Variants in LPIN2 observed in about 807,000 individuals in gnomAD.
LPIN2 encodes phosphatidate phosphatase LPIN2.
LPIN2 carries 55 observed loss-of-function variants against 111.4 expected under a neutral mutation model. That is an observed-to-expected ratio of 0.49 (90% CI 0.40 to 0.62). The LOEUF is 0.62. LPIN2 is among the 20% of genes least tolerant of loss of function. The pLI, the probability that LPIN2 is intolerant of heterozygous loss-of-function variation, is 0.00. For synonymous variants in LPIN2, 425 were observed against 414.0 expected, an observed-to-expected ratio of 1.03 and a Z score of -0.32; for missense variants, 992 against 1,112.1, an observed-to-expected ratio of 0.89 and a Z score of 1.54.
chr18:2,962,849 A>G (rs2077734157), intron 1 of LPIN2, among the ~76,000 whole-genome samples: 1 of 152,206 alleles, frequency 6.6e-6, no homozygotes, highest in African/African-American at 2.4e-5. Flanking sequence ...ACCTTTTCTT[A>G]AAATAAACAA....
At position 2,928,108 on chromosome 18, in the gene LPIN2, G is replaced by A. The variant is rs542596506; in HGVS notation, c.1621-297C>T. ...TCTTTGGAAAATGTGGTTCTCATGA[G>A]TTAAGAGGACCAACTAGGCTGATGA... On this transcript the variant is annotated intron_variant, in intron 11 of 19. Coordinates refer to ENST00000677752, the MANE Select transcript of LPIN2 (RefSeq NM_001375808.2). Among the ~76,000 whole-genome samples the A allele has an allele frequency of 2.6e-5, 4 of 152,250 alleles. No individual in the cohort carries two copies. In the South Asian group the frequency reaches 8.3e-4, roughly 32 times the overall value.
At chr18:2,987,497 A>G (rs1287766580) in intron 1 of LPIN2, among the ~76,000 whole-genome samples, 1 of 152,184 alleles carries the variant, frequency 6.6e-6, no homozygotes, top group Non-Finnish European at 1.5e-5. Flanking sequence ...TCATCCTCAC[A>G]TTCCTTGACT....
rs768515839 is a variant in LPIN2, at chr18:2,944,333, C to CTTTTTTTT, written c.591-3629_591-3622dup. On this transcript the variant is annotated intron_variant, in intron 4 of 19. Coordinates refer to ENST00000677752, the MANE Select transcript of LPIN2 (RefSeq NM_001375808.2). ...TGATATCCTAATGTATTTCCACAAA[C>CTTTTTTTT]TTTTTTTTTTTTTTTTTTTTTTTTT... is the stretch of plus-strand genomic sequence containing the variant. Among the ~76,000 whole-genome samples, 3 of 51,350 alleles carry CTTTTTTTT rather than the reference C, an allele frequency of 5.8e-5. 1 individual carries two copies. Among genetic ancestry groups the CTTTTTTTT allele is most frequent in the Non-Finnish European group, 7.5e-5 (2 of 26,526 alleles). 33.7% of individuals were successfully genotyped at this position (51,350 alleles called of 152,430 possible). A position where few individuals can be genotyped will look rare whatever the true frequency, so the allele number is the denominator to read the frequency against.
At chr18:3,004,676 A>G (rs1173183606) in intron 1 of LPIN2, among the ~76,000 whole-genome samples, 4 of 152,208 alleles carry the variant, frequency 2.6e-5, no homozygotes, top group South Asian at 2.1e-4. Flanking sequence ...CACGTCTCAC[A>G]TAGTCCCACT....
Position 2,925,123 on chromosome 18 carries a change from G to A in LPIN2, c.1938+101C>T, listed in dbSNP as rs952706014. 2.3e-5 allele frequency: 33 copies of A among 1,438,326 alleles called. No homozygotes were observed. The African/African-American group carries it at 2.4e-4, about 10-fold the overall frequency. 89.1% of individuals were successfully genotyped at this position (1,438,326 alleles called of 1,614,324 possible). The stretch of plus-strand genomic sequence containing the variant: ...CATTGACACGACCATGCCGTGTGGC[G>A]TGTATGCAGCTGGGGACGTGTGGAC... On this transcript the variant is annotated intron_variant, in intron 14 of 19. Coordinates refer to ENST00000677752, the MANE Select transcript of LPIN2 (RefSeq NM_001375808.2). The surrounding 1 kb of genome is among the most constrained non-coding windows in gnomAD (Gnocchi z 4.1).
At chr18:2,955,744 C>T (rs553277936) in intron 2 of LPIN2, among the ~76,000 whole-genome samples, 2 of 152,188 alleles carry the variant, frequency 1.3e-5, no homozygotes, top group African/African-American at 2.4e-5. Context: ...GGTGAAACCC[C>T]GCCTCTACCA....
At chr18:2,957,412 ATAGTG>A (rs1246929386) in intron 2 of LPIN2, among the ~76,000 whole-genome samples, 1 of 152,240 alleles carries the variant, frequency 6.6e-6, no homozygotes, top group Non-Finnish European at 1.5e-5. Flanking sequence ...ACCAGTAAGT[ATAGTG>A]TAAATATTCC....
chr18:2,947,359 T>C (rs1011023772), intron 4 of LPIN2, among the ~76,000 whole-genome samples: 1 of 152,324 alleles, frequency 6.6e-6, no homozygotes, highest in East Asian at 1.9e-4. Flanking sequence ...AATCTCTCTC[T>C]CACACAAAGA....
In LPIN2 at chr18:2,958,150, AAAAAAAACAAC is replaced by A. The variant is rs1233658080; in HGVS notation, c.192+2488_192+2498del. Among the ~76,000 whole-genome samples, 281 of 119,804 alleles carry A rather than the reference AAAAAAAACAAC, an allele frequency of 2.3e-3. 42 individuals carry two copies. The highest frequency in any genetic ancestry group is 6.4e-3 in the African/African-American group (195 of 30,516). 78.6% of individuals were successfully genotyped at this position (119,804 alleles called of 152,430 possible). ...AAGCGAGACTCCATCTCAAAAAAAA[AAAAAAAACAAC>A]AAAAAAAAAAAACAGAAAAAAGAAA... On this transcript the variant is annotated intron_variant, in intron 2 of 19. Coordinates refer to ENST00000677752, the MANE Select transcript of LPIN2 (RefSeq NM_001375808.2).
chr18:3,001,138 A>C (rs1245430072), intron 1 of LPIN2, among the ~76,000 whole-genome samples: 1 of 152,180 alleles, frequency 6.6e-6, no homozygotes, highest in Admixed American at 6.5e-5. Flanking sequence ...ATTTTCAGAC[A>C]CGTAAGCTCT....
Position 2,919,912 on chromosome 18 carries a change from A to C in LPIN2, c.*381T>G. ...AGCCCTGGTTACAGAAGCCACCTCA[A>C]CTGCCCAGTGGAAACTGGAACACTT... On this transcript the variant is annotated 3_prime_UTR_variant, in exon 20 of 20. Coordinates refer to ENST00000677752, the MANE Select transcript of LPIN2 (RefSeq NM_001375808.2). The C allele has an allele frequency of 3.1e-6, 1 of 322,548 alleles. No individual in the cohort carries two copies. The highest frequency in any genetic ancestry group is 7.7e-5 in the East Asian group (1 of 13,012). The allele number at this position is 322,548 out of a possible 1,614,324, so 20.0% of individuals were successfully genotyped here.
intron 1 of LPIN2, among the ~76,000 whole-genome samples, chr18:3,012,656 G>C (rs921353718): frequency 1.3e-5 from 2 of 152,166 alleles, no homozygotes; most frequent in Non-Finnish European, 2.9e-5. Flanking sequence ...GGCCGGGGGC[G>C]GGATGGAGAC....
intron 1 of LPIN2, among the ~76,000 whole-genome samples, chr18:2,970,274 C>T (rs900158539): frequency 2.0e-5 from 3 of 152,292 alleles, no homozygotes; most frequent in South Asian, 2.1e-4. Flanking sequence ...AGAGAGGCAC[C>T]GAAACACAAG....
At chr18:2,929,355 C>T (rs1421484527) in intron 9 of LPIN2, among the ~76,000 whole-genome samples, 197 bp from the exon 10 acceptor site, 1 of 152,152 alleles carries the variant, frequency 6.6e-6, no homozygotes, top group Non-Finnish European at 1.5e-5. Context: ...TTCTATTCTC[C>T]TTTTCCACTG....
intron 2 of LPIN2, among the ~76,000 whole-genome samples, chr18:2,957,402 A>C (rs538165054): frequency 6.6e-6 from 1 of 152,338 alleles, no homozygotes; most frequent in South Asian, 2.1e-4. Flanking sequence ...GGGATGCTCA[A>C]CCAGTAAGTA....
chr18:2,921,077 T>TCCC, intron 18 of LPIN2, 196 bp from the exon 19 acceptor site: 1 of 631,050 alleles, frequency 1.6e-6, no homozygotes. Flanking sequence ...GTCAGAAAAC[T>TCCC]TGGGCAGCCA....
intron 1 of LPIN2, among the ~76,000 whole-genome samples, chr18:2,987,086 G>A (rs1471838197): frequency 2.0e-5 from 3 of 152,006 alleles, no homozygotes; most frequent in African/African-American, 4.8e-5. Flanking sequence ...ACACCCTTAG[G>A]TATACGATTT....
intron 1 of LPIN2, among the ~76,000 whole-genome samples, chr18:2,966,196 C>T (rs1008942485): frequency 2.6e-5 from 4 of 152,132 alleles, no homozygotes; most frequent in African/African-American, 7.2e-5. Context: ...CTTGGCTTCC[C>T]GAAATGTTGA....
chr18:2,926,954 C>A, intron 12 of LPIN2, 149 bp from the exon 13 acceptor site: 1 of 715,076 alleles, frequency 1.4e-6, no homozygotes. Context: ...CTATTCTGAG[C>A]CAAAGAATTA....
Sources: gnomAD v4.1 joint callset for allele counts (sites outside exome capture counted in the v4.1 genomes callset) on GRCh38, gnomAD v4.1.1 for gene constraint, Gnocchi (gnomAD v3.1) non-coding constraint, MANE v1.5 for transcripts, NCBI Gene and HGNC (gene_info 2026-07-23, HGNC 2026-07-21) for gene names.